The following NRG3 variants were observed in gnomAD, a reference collection of about 807,000 sequenced individuals.
NRG3 encodes pro-neuregulin-3, membrane-bound isoform.
In NRG3, 31 loss-of-function variants were observed where a neutral mutation model predicts 66.9. The observed-to-expected ratio is 0.46, with a 90% CI of 0.35 to 0.63. The LOEUF (loss-of-function observed/expected upper bound fraction) is 0.63, where lower values mean the gene tolerates loss of function less well. Ranked by LOEUF, NRG3 falls within the 20% of genes least tolerant of loss-of-function variation. The probability of loss-of-function intolerance (pLI) is 0.00; values close to 1 mark genes in which losing one functional copy is unlikely to be tolerated. For missense variants in NRG3, 910 were observed against 878.9 expected (o/e 1.04, Z -0.45); for synonymous variants, 393 against 359.4 (o/e 1.09, Z -1.06).
chr10:82,119,280 A>G (rs2067928662), intron 1 of NRG3, among the ~76,000 whole-genome samples: 2 of 152,076 alleles, frequency 1.3e-5, no homozygotes, highest in African/African-American at 4.8e-5. Flanking sequence ...AACGACAACA[A>G]TGTCTCCTAT....
chr10:82,586,812 T>A (rs1353473743), intron 2 of NRG3, among the ~76,000 whole-genome samples: 1 of 152,166 alleles, frequency 6.6e-6, no homozygotes, highest in African/African-American at 2.4e-5. Flanking sequence ...TGCTCAGGCT[T>A]GTAGAATTTA....
chr10:81,881,983 A>G (rs1842223315), intron 1 of NRG3, among the ~76,000 whole-genome samples: 1 of 152,210 alleles, frequency 6.6e-6, no homozygotes, highest in Non-Finnish European at 1.5e-5. Flanking sequence ...TTTAAAAAAC[A>G]ACTTACCTTT....
intron 3 of NRG3, among the ~76,000 whole-genome samples, chr10:82,761,926 T>TTCTTTCTTTCTTTCTTTCTTTC: frequency 1.4e-5 from 1 of 73,550 alleles, no homozygotes; most frequent in Non-Finnish European, 3.0e-5. Flanking sequence ...TTCTTTCTCT[T>TTCTTTCTTTCTTTCTTTCTTTC]TCTTTCTTTC....
intron 2 of NRG3, among the ~76,000 whole-genome samples, chr10:82,597,128 G>T (rs1031647140): frequency 3.9e-5 from 6 of 152,150 alleles, no homozygotes; most frequent in Admixed American, 6.5e-5. Flanking sequence ...AAGTAAAAGA[G>T]ATCTTCCCAA....
chr10:82,396,912 T>A (rs2136012233), intron 2 of NRG3, among the ~76,000 whole-genome samples: 1 of 152,346 alleles, frequency 6.6e-6, no homozygotes, highest in South Asian at 2.1e-4. Flanking sequence ...AAGAATTTGC[T>A]ATCAACCCCT....
chr10:82,322,385 G>A (rs955231915), intron 1 of NRG3, among the ~76,000 whole-genome samples: 13 of 152,088 alleles, frequency 8.5e-5, no homozygotes, highest in African/African-American at 2.7e-4. Flanking sequence ...AGTAGGGATT[G>A]TGATAAATAA....
intron 1 of NRG3, among the ~76,000 whole-genome samples, chr10:82,042,056 A>T (rs1389423186): frequency 6.6e-6 from 1 of 152,040 alleles, no homozygotes; most frequent in Non-Finnish European, 1.5e-5. Flanking sequence ...GTAGTTAGAG[A>T]TATAAAGTGG....
At chr10:81,979,577 T>C (rs1485814176) in intron 1 of NRG3, among the ~76,000 whole-genome samples, 1 of 152,198 alleles carries the variant, frequency 6.6e-6, no homozygotes, top group East Asian at 1.9e-4. Flanking sequence ...GTTTTTATTT[T>C]CAGCAATGTC....
At chr10:82,540,467 TGTGA>T (rs1409525082) in intron 2 of NRG3, among the ~76,000 whole-genome samples, 2 of 151,962 alleles carry the variant, frequency 1.3e-5, no homozygotes, top group Non-Finnish European at 2.9e-5. Context: ...TGTGTGCATG[TGTGA>T]GTGTGTGTAA....
At chr10:82,594,082 C>A (rs2047134252) in intron 2 of NRG3, among the ~76,000 whole-genome samples, 1 of 152,044 alleles carries the variant, frequency 6.6e-6, no homozygotes, top group African/African-American at 2.4e-5. Context: ...AGTATCAGAG[C>A]TGAGTGGAAA....
At chr10:82,602,568 A>G (rs1388797859) in intron 2 of NRG3, among the ~76,000 whole-genome samples, 1 of 152,194 alleles carries the variant, frequency 6.6e-6, no homozygotes, top group African/African-American at 2.4e-5. Context: ...TTAAATAGAT[A>G]TTTGTAAAAT....
chr10:82,320,582 T>C (rs1222189004), intron 1 of NRG3, among the ~76,000 whole-genome samples: 1 of 152,084 alleles, frequency 6.6e-6, no homozygotes, highest in Non-Finnish European at 1.5e-5. Context: ...ATTCAGAAAA[T>C]ATTTTATTTG....
At chr10:82,443,744 A>G (rs896785250) in intron 2 of NRG3, among the ~76,000 whole-genome samples, 12 of 152,180 alleles carry the variant, frequency 7.9e-5, no homozygotes, top group Admixed American at 3.9e-4. Context: ...TTCTGACTGA[A>G]ATAACTGAGG....
intron 2 of NRG3, among the ~76,000 whole-genome samples, chr10:82,637,091 C>G (rs1045727585): frequency 1.3e-5 from 2 of 152,024 alleles, no homozygotes; most frequent in Non-Finnish European, 1.5e-5. Flanking sequence ...AAATAGATAA[C>G]TATGTGAGAC....
At chr10:82,305,253 C>G (rs2134856948) in intron 1 of NRG3, among the ~76,000 whole-genome samples, 1 of 152,096 alleles carries the variant, frequency 6.6e-6, no homozygotes, top group South Asian at 2.1e-4. Flanking sequence ...CCTTGGCCTC[C>G]CAAAGTGCTG....
chr10:82,187,945 C>T (rs1277227946), intron 1 of NRG3, among the ~76,000 whole-genome samples: 1 of 118,360 alleles, frequency 8.4e-6, no homozygotes, highest in African/African-American at 3.0e-5. Context: ...CAATGACAGT[C>T]TTCACAGAAA....
intron 2 of NRG3, among the ~76,000 whole-genome samples, chr10:82,563,909 T>G (rs2045221188): frequency 6.6e-6 from 1 of 152,126 alleles, no homozygotes; most frequent in Non-Finnish European, 1.5e-5. Flanking sequence ...GTTATTCATT[T>G]GAGTATCTTA....
intron 1 of NRG3, among the ~76,000 whole-genome samples, chr10:81,952,289 A>T (rs899982370): frequency 6.6e-6 from 1 of 152,072 alleles, no homozygotes; most frequent in Admixed American, 6.6e-5. Flanking sequence ...CGGTCCACTA[A>T]AACAAACACA....
chr10:82,983,868 G>A (rs1853174717), intron 8 of NRG3, among the ~76,000 whole-genome samples: 1 of 152,166 alleles, frequency 6.6e-6, no homozygotes, highest in African/African-American at 2.4e-5. Context: ...CAGTAAGAGA[G>A]GATGAGCCTA....
Sources: allele counts gnomAD v4.1 joint callset (sites outside exome capture counted in the v4.1 genomes callset), GRCh38; gene constraint gnomAD v4.1.1; transcripts MANE v1.5; gene names NCBI Gene and HGNC (gene_info 2026-07-23, HGNC 2026-07-21).